Variants in PDE1C observed in about 807,000 individuals in gnomAD.
The protein encoded by PDE1C is dual specificity calcium/calmodulin-dependent 3',5'-cyclic nucleotide phosphodiesterase 1C.
A neutral mutation model predicts 93.1 loss-of-function variants in PDE1C; 62 were observed. The ratio of observed to expected loss-of-function variants is 0.67; its 90% CI spans 0.54 to 0.82. The LOEUF is 0.82. PDE1C is among the 40% of genes least tolerant of loss of function. PDE1C has a pLI of 0.00. For synonymous variants in PDE1C, 325 were observed against 310.1 expected, an observed-to-expected ratio of 1.05 and a Z score of -0.50; for missense variants, 742 against 884.6, an observed-to-expected ratio of 0.84 and a Z score of 2.04.
chr7:32,013,389 AG>A (rs1360276175), intron 2 of PDE1C, among the ~76,000 whole-genome samples: 1 of 152,238 alleles, frequency 6.6e-6, no homozygotes, highest in Non-Finnish European at 1.5e-5. Context: ...TACTTTCTGC[AG>A]AAAGGTACAC....
chr7:31,795,798 G>A (rs3807625), intron 16 of PDE1C, among the ~76,000 whole-genome samples: 77,240 of 151,202 alleles, frequency 0.51, 21,255 homozygotes, highest in Non-Finnish European at 0.61. Context: ...ACATATTATG[G>A]ATTGGTTAAT....
intron 1 of PDE1C, among the ~76,000 whole-genome samples, chr7:32,368,382 C>T (rs1000404645): frequency 2.0e-5 from 3 of 151,922 alleles, no homozygotes; most frequent in Non-Finnish European, 4.4e-5. Flanking sequence ...AAAAAGAAAT[C>T]GAGAAGACGA....
intron 2 of PDE1C, among the ~76,000 whole-genome samples, chr7:32,170,233 T>C (rs1034247057): frequency 1.3e-5 from 2 of 152,126 alleles, no homozygotes; most frequent in African/African-American, 4.8e-5. Flanking sequence ...GCCACAGGTA[T>C]CTATGTAGAT....
intron 1 of PDE1C, among the ~76,000 whole-genome samples, chr7:32,277,741 C>T (rs1811372387): frequency 6.6e-6 from 1 of 152,204 alleles, no homozygotes; most frequent in African/African-American, 2.4e-5. Flanking sequence ...TCATCCCTAA[C>T]TCTATCTCCA....
intron 14 of PDE1C, among the ~76,000 whole-genome samples, chr7:31,822,747 G>T (rs994655369): frequency 6.6e-6 from 1 of 152,118 alleles, no homozygotes; most frequent in Non-Finnish European, 1.5e-5. Context: ...CCTCACAGTT[G>T]TGCCACATGA....
chr7:32,274,985 C>T (rs141851302), intron 1 of PDE1C, among the ~76,000 whole-genome samples: 2 of 152,130 alleles, frequency 1.3e-5, no homozygotes, highest in South Asian at 2.1e-4. Context: ...CTCTACAAGT[C>T]GCTAAGTTTC....
chr7:31,846,489 T>A (rs929162673), intron 9 of PDE1C, among the ~76,000 whole-genome samples: 8 of 151,978 alleles, frequency 5.3e-5, no homozygotes, highest in African/African-American at 1.9e-4. Flanking sequence ...TCAAGATGGA[T>A]TAAAGACTTA....
chr7:31,675,017 T>C, the PDE1C span, among the ~76,000 whole-genome samples: 1 of 152,226 alleles, frequency 6.6e-6, no homozygotes, highest in African/African-American at 2.4e-5. Context: ...AGGCTTACGC[T>C]TGCTACTTTG....
intron 5 of PDE1C, among the ~76,000 whole-genome samples, chr7:31,875,218 C>A (rs887525780): frequency 1.3e-5 from 2 of 152,176 alleles, no homozygotes; most frequent in African/African-American, 4.8e-5. Flanking sequence ...TCACTTCTGA[C>A]AATTTTTAAT....
At chr7:31,838,271 A>G (rs1331131797) in intron 9 of PDE1C, among the ~76,000 whole-genome samples, 1 of 152,130 alleles carries the variant, frequency 6.6e-6, no homozygotes, top group African/African-American at 2.4e-5. Flanking sequence ...AAATGAATTC[A>G]GAGTTTTAAG....
chr7:31,654,221 G>A, the PDE1C span, among the ~76,000 whole-genome samples: 1 of 152,270 alleles, frequency 6.6e-6, no homozygotes, highest in African/African-American at 2.4e-5. Flanking sequence ...GGTAAGACTT[G>A]AAAGGTGAGG....
At chr7:31,667,191 G>A in the PDE1C span, among the ~76,000 whole-genome samples, 4 of 152,124 alleles carry the variant, frequency 2.6e-5, no homozygotes, top group Admixed American at 1.3e-4. Context: ...TGACCTACCC[G>A]CCTATAGCTT....
At chr7:31,741,119 CG>C in the PDE1C span, among the ~76,000 whole-genome samples, 1 of 151,300 alleles carries the variant, frequency 6.6e-6, no homozygotes, top group Admixed American at 6.6e-5. Flanking sequence ...ATTTGTTTAA[CG>C]ATATTTATAA....
chr7:31,992,512 G>T (rs1052417701), intron 2 of PDE1C, among the ~76,000 whole-genome samples: 2 of 152,190 alleles, frequency 1.3e-5, no homozygotes, highest in African/African-American at 4.8e-5. Context: ...ACCTCAGTGG[G>T]ATGTAAGCCA....
chr7:32,083,344 G>A (rs972195675), intron 3 of PDE1C, among the ~76,000 whole-genome samples: 1 of 151,704 alleles, frequency 6.6e-6, no homozygotes, highest in African/African-American at 2.4e-5. Flanking sequence ...AGAAATATGG[G>A]ACTATGTGAA....
chr7:32,366,443 T>C lies in PDE1C; in HGVS notation c.310+61379A>G, dbSNP rs564261188. On this transcript the variant is annotated intron_variant, in intron 1 of 1. Coordinates refer to the PDE1C transcript ENST00000672256. ...TATGGAACACAATTAAGTGAACAAA[T>C]ATTCACATTATACATATTCCAGAGG... Among the ~76,000 whole-genome samples, 7 of 151,646 alleles carry C rather than the reference T, an allele frequency of 4.6e-5. No homozygotes were observed. In the South Asian group the frequency reaches 1.2e-3, roughly 27 times the overall value.
In PDE1C at chr7:31,943,413, AG is replaced by A. The variant is rs1174741800; in HGVS notation, c.129-62554del. Among the ~76,000 whole-genome samples the A allele has an allele frequency of 3.9e-5, 6 of 152,160 alleles. No homozygotes were observed. In the East Asian group the frequency reaches 9.6e-4, roughly 24 times the overall value. ...ACTCCAGAGAATTGGTTCTACTGGA[AG>A]TTTTGTTCAATAAAAAGATATCCTG... On this transcript the variant is annotated intron_variant, in intron 2 of 17. Transcript: ENST00000396191.
chr7:32,242,202 G>A (rs1165321134), intron 1 of PDE1C, among the ~76,000 whole-genome samples: 1 of 152,136 alleles, frequency 6.6e-6, no homozygotes, highest in Non-Finnish European at 1.5e-5. Context: ...ATGCAAGGGA[G>A]TGATTGTAAT....
chr7:32,428,122 C>T (rs1265006934), exon 1 of PDE1C: 1 of 152,380 alleles, frequency 6.6e-6, no homozygotes, highest in Non-Finnish European at 1.5e-5. Context: ...GCGGAGGAGA[C>T]CGAGCCCATC....
Sources: gnomAD v4.1 joint callset for allele counts (sites outside exome capture counted in the v4.1 genomes callset) on GRCh38, gnomAD v4.1.1 for gene constraint, MANE v1.5 for transcripts, NCBI Gene and HGNC (gene_info 2026-07-23, HGNC 2026-07-21) for gene names.